Variants in ZNF804A observed in about 807,000 individuals in gnomAD.
ZNF804A encodes the protein zinc finger protein 804A.
In ZNF804A, 2 loss-of-function variants were observed where a neutral mutation model predicts 16.5. The observed-to-expected ratio is 0.12, with a 90% CI of 0.05 to 0.38. The LOEUF (loss-of-function observed/expected upper bound fraction) is 0.38. Ranked by LOEUF, ZNF804A falls within the 10% of genes least tolerant of loss-of-function variation. The pLI, the probability that ZNF804A is intolerant of heterozygous loss-of-function variation, is 0.99. For missense variants in ZNF804A, 1,473 were observed against 1,390.7 expected (o/e 1.06, Z -0.94); for synonymous variants, 534 against 489.6 (o/e 1.09, Z -1.20).
At chr2:184,744,010 T>G (rs1427522634) in intron 1 of ZNF804A, among the ~76,000 whole-genome samples, 1 of 151,960 alleles carries the variant, frequency 6.6e-6, no homozygotes. Flanking sequence ...TATGGTAATA[T>G]CTTATTTTAA....
At chr2:184,800,884 T>C (rs976686907) in intron 1 of ZNF804A, among the ~76,000 whole-genome samples, 1 of 152,040 alleles carries the variant, frequency 6.6e-6, no homozygotes, top group African/African-American at 2.4e-5. Flanking sequence ...AGAAAGAAAA[T>C]ATATCTTTTA....
intron 1 of ZNF804A, among the ~76,000 whole-genome samples, chr2:184,694,707 T>G (rs886928034): frequency 1.3e-5 from 2 of 152,218 alleles, no homozygotes; most frequent in African/African-American, 4.8e-5. Flanking sequence ...ACAGTAAACA[T>G]GTATTTGAAA....
intron 1 of ZNF804A, among the ~76,000 whole-genome samples, chr2:184,834,452 T>C (rs1304364240): frequency 6.6e-6 from 1 of 152,110 alleles, no homozygotes; most frequent in East Asian, 1.9e-4. Context: ...GCTAGATGTT[T>C]TGTTTTCTAC....
chr2:184,929,546 T>G (rs1329780650), intron 2 of ZNF804A, among the ~76,000 whole-genome samples: 3 of 152,112 alleles, frequency 2.0e-5, no homozygotes, highest in Non-Finnish European at 4.4e-5. Flanking sequence ...ACTAAAGATT[T>G]TATTAAAAAC....
At chr2:184,617,119 A>G (rs900410047) in intron 1 of ZNF804A, among the ~76,000 whole-genome samples, 1 of 152,194 alleles carries the variant, frequency 6.6e-6, no homozygotes, top group Non-Finnish European at 1.5e-5. Context: ...AAAAACTTGA[A>G]AAAACTGTAG....
chr2:184,755,676 CA>C (rs2105760830), intron 1 of ZNF804A, among the ~76,000 whole-genome samples: 1 of 152,006 alleles, frequency 6.6e-6, no homozygotes, highest in Non-Finnish European at 1.5e-5. Context: ...TGAATCACAA[CA>C]CACCTGATTT....
chr2:184,743,632 A>G (rs1415969364), intron 1 of ZNF804A, among the ~76,000 whole-genome samples: 1 of 151,984 alleles, frequency 6.6e-6, no homozygotes, highest in Non-Finnish European at 1.5e-5. Context: ...TAGTAGGCTC[A>G]ATAAATATCA....
In ZNF804A at chr2:184,939,172, A is replaced by C; in HGVS notation, c.*146A>C. 3 of 974,650 alleles carry C rather than the reference A, an allele frequency of 3.1e-6. No homozygotes were observed. 60.4% of individuals were successfully genotyped at this position (974,650 alleles called of 1,614,324 possible). ...CATTGGTTTGAAATCATTTACTGTA[A>C]GTGCAATGATGCAAATAAATCCCTA... On this transcript the variant is annotated 3_prime_UTR_variant, in exon 4 of 4. Coordinates refer to ENST00000302277, the MANE Select transcript of ZNF804A (RefSeq NM_194250.2).
intron 2 of ZNF804A, among the ~76,000 whole-genome samples, chr2:184,877,739 G>A (rs971051449): frequency 2.0e-5 from 3 of 151,902 alleles, no homozygotes; most frequent in South Asian, 2.1e-4. Context: ...TTGAGGCCAA[G>A]GTTGGAAAAG....
chr2:184,662,380 C>G (rs1177094376), intron 1 of ZNF804A, among the ~76,000 whole-genome samples: 1 of 152,114 alleles, frequency 6.6e-6, no homozygotes, highest in Non-Finnish European at 1.5e-5. Context: ...TTTTCTTATG[C>G]TTAAAGACTC....
intron 1 of ZNF804A, among the ~76,000 whole-genome samples, chr2:184,846,101 A>G (rs1055047798): frequency 6.6e-6 from 1 of 152,122 alleles, no homozygotes; most frequent in African/African-American, 2.4e-5. Flanking sequence ...CAAGCTTCGT[A>G]TGTGTCAGAG....
At chr2:184,601,777 T>C (rs1232868307) in intron 1 of ZNF804A, among the ~76,000 whole-genome samples, 1 of 151,948 alleles carries the variant, frequency 6.6e-6, no homozygotes, top group Non-Finnish European at 1.5e-5. Flanking sequence ...AGTGCAACTT[T>C]AAACATAAAA....
At chr2:184,870,324 A>G (rs1388231187) in intron 2 of ZNF804A, among the ~76,000 whole-genome samples, 1 of 152,044 alleles carries the variant, frequency 6.6e-6, no homozygotes, top group African/African-American at 2.4e-5. Context: ...TCAAGGGGTG[A>G]TGTAGGGTGA....
intron 2 of ZNF804A, among the ~76,000 whole-genome samples, chr2:184,881,389 T>A (rs926950997): frequency 6.6e-6 from 1 of 151,794 alleles, no homozygotes; most frequent in African/African-American, 2.4e-5. Flanking sequence ...TACTTAGATT[T>A]GAATCAACAT....
At chr2:184,907,384 T>G (rs1685293231) in intron 2 of ZNF804A, among the ~76,000 whole-genome samples, 1 of 152,206 alleles carries the variant, frequency 6.6e-6, no homozygotes, top group South Asian at 2.1e-4. Context: ...TCTTCTTGTT[T>G]TTGACAATTA....
rs900054127 is a variant in ZNF804A, at chr2:184,797,766, G to T, written c.112-68603G>T. On this transcript the variant is annotated intron_variant, in intron 1 of 3. Coordinates refer to ENST00000302277, the MANE Select transcript of ZNF804A (RefSeq NM_194250.2). The stretch of plus-strand genomic sequence containing the variant: ...GTGTACCTTGGATTTTTTGCTCTTT[G>T]TTTTTGGGTTTTTACTTATATTTTT... 2.9e-4 allele frequency among the ~76,000 whole-genome samples: 44 copies of T among 151,832 alleles called. 1 individual carries two copies. The highest frequency in any genetic ancestry group is 5.9e-5 in the Non-Finnish European group (4 of 67,930).
intron 1 of ZNF804A, among the ~76,000 whole-genome samples, chr2:184,763,483 A>G (rs1363309171): frequency 2.0e-5 from 3 of 151,896 alleles, no homozygotes; most frequent in Non-Finnish European, 4.4e-5. Flanking sequence ...CTGCCTTCAT[A>G]TTCTTTCCAA....
intron 1 of ZNF804A, among the ~76,000 whole-genome samples, chr2:184,724,899 G>A (rs1422192734): frequency 6.6e-6 from 1 of 151,752 alleles, no homozygotes; most frequent in East Asian, 1.9e-4. Flanking sequence ...ATGAAATAAT[G>A]TGGTAATTTT....
Position 184,784,955 on chromosome 2 carries a change from C to G in ZNF804A, c.112-81414C>G, listed in dbSNP as rs551686564. 7.2e-5 allele frequency among the ~76,000 whole-genome samples: 11 copies of G among 152,080 alleles called. No homozygotes were observed. The South Asian group carries it at 2.1e-3, about 29-fold the overall frequency. ...CTCCAAAATCAGGTCGCTTGAGAGA[C>G]AAGCTTCCCTACCTATTGATCCCCT... is the stretch of plus-strand genomic sequence containing the variant. On this transcript the variant is annotated intron_variant, in intron 1 of 3. Transcript: ENST00000302277.
Sources: allele counts gnomAD v4.1 joint callset (sites outside exome capture counted in the v4.1 genomes callset), GRCh38; gene constraint gnomAD v4.1.1; transcripts MANE v1.5; gene names NCBI Gene and HGNC (gene_info 2026-07-23, HGNC 2026-07-21).